TMEM163: variants seen among roughly 807,000 people sequenced by gnomAD.
TMEM163 encodes the protein transmembrane protein 163.
TMEM163 carries 17 observed loss-of-function variants against 29.3 expected under a neutral mutation model. The observed-to-expected ratio is 0.58, with a 90% CI of 0.40 to 0.87. The LOEUF (loss-of-function observed/expected upper bound fraction) is 0.87, where lower values mean the gene tolerates loss of function less well. Ranked by LOEUF, TMEM163 falls within the 40% of genes least tolerant of loss-of-function variation. The pLI is 0.00. For missense variants in TMEM163, 303 were observed against 381.5 expected (o/e 0.79, Z 1.71); for synonymous variants, 157 against 160.6 (o/e 0.98, Z 0.17).
At chr2:134,591,669 TG>T (rs1372385960) in intron 2 of TMEM163, among the ~76,000 whole-genome samples, 2 of 152,150 alleles carry the variant, frequency 1.3e-5, no homozygotes, top group African/African-American at 4.8e-5. Flanking sequence ...AAGCCAGGTT[TG>T]CATCACAACA....
At chr2:134,550,698 A>C (rs777225777) in intron 3 of TMEM163, 37 bp from the exon 4 acceptor site, 2 of 1,579,882 alleles carry the variant, frequency 1.3e-6, no homozygotes, top group East Asian at 4.5e-5. Flanking sequence ...GGCTTTCCAC[A>C]GTTAATAGCA....
chr2:134,470,275 T>G (rs1412173862), intron 5 of TMEM163, among the ~76,000 whole-genome samples: 1 of 150,798 alleles, frequency 6.6e-6, no homozygotes, highest in African/African-American at 2.4e-5. Flanking sequence ...GAGAATTGTG[T>G]GAACCCGGGA....
At chr2:134,629,052 G>C (rs1173596707) in intron 2 of TMEM163, among the ~76,000 whole-genome samples, 3 of 152,134 alleles carry the variant, frequency 2.0e-5, no homozygotes, top group African/African-American at 7.2e-5. Flanking sequence ...AAGCTATCTT[G>C]GATTGAGCAT....
At position 134,460,385 on chromosome 2, in the gene TMEM163, C is replaced by T. The variant is rs1243567932; in HGVS notation, c.668-2212G>A. 6.6e-6 allele frequency among the ~76,000 whole-genome samples: 1 copy of T among 152,124 alleles called. No homozygotes were observed. The highest frequency in any genetic ancestry group is 1.5e-5 in the Non-Finnish European group (1 of 68,036). ...AACTTCCTCCCCTCCACCCACCACT[C>T]CCTCCTGCCTCCAGCTAACAGGCGA... On this transcript the variant is annotated intron_variant, in intron 6 of 7. Transcript: ENST00000281924. The surrounding 1 kb of genome is among the most constrained non-coding windows in gnomAD (Gnocchi z 4.3).
intron 2 of TMEM163, among the ~76,000 whole-genome samples, chr2:134,695,523 T>C (rs935979187): frequency 1.3e-5 from 2 of 152,058 alleles, no homozygotes; most frequent in African/African-American, 2.4e-5. Context: ...ACAAATACTA[T>C]AAAAACTGTA....
intron 2 of TMEM163, among the ~76,000 whole-genome samples, chr2:134,576,864 A>C (rs1188240500): frequency 6.6e-6 from 1 of 152,218 alleles, no homozygotes; most frequent in East Asian, 1.9e-4. Context: ...TTTACCTCCT[A>C]AACTGAACTA....
At chr2:134,679,964 C>T (rs883917) in intron 2 of TMEM163, among the ~76,000 whole-genome samples, 43,949 of 150,812 alleles carry the variant, frequency 0.29, 8,531 homozygotes, top group African/African-American at 0.54. Flanking sequence ...AATAAACGTA[C>T]TTTAAGTTGT....
At position 134,518,224 on chromosome 2, in the gene TMEM163, A is replaced by T. The variant is rs2106493928; in HGVS notation, c.459-15227T>A. Among the ~76,000 whole-genome samples the T allele has an allele frequency of 2.6e-5, 4 of 152,376 alleles. No homozygotes were observed. In the South Asian group the frequency reaches 8.3e-4, roughly 32 times the overall value. On this transcript the variant is annotated intron_variant, in intron 4 of 7. Transcript: ENST00000281924. ...ATTGGGAAAAGCACATTAATGATTC[A>T]TCTTAGAGCTTTCACCTAGAAGGGC...
rs1308807212 is a variant in TMEM163, at chr2:134,655,987, A to G, written c.322+57213T>C. Among the ~76,000 whole-genome samples, 4 of 145,490 alleles carry G rather than the reference A, an allele frequency of 2.7e-5. 1 individual carries two copies. Among genetic ancestry groups the G allele is most frequent in the Non-Finnish European group, 5.9e-5 (4 of 67,406 alleles). On this transcript the variant is annotated intron_variant, in intron 2 of 7. Coordinates refer to ENST00000281924, the MANE Select transcript of TMEM163 (RefSeq NM_030923.5). ...AGGGACACTTAAGTCTGCAGAGGTT[A>G]CTGCTGTCTTTTCCTTTGTCTGTGC...
intron 2 of TMEM163, among the ~76,000 whole-genome samples, chr2:134,626,644 G>A (rs773813873): frequency 1.3e-5 from 2 of 152,218 alleles, no homozygotes; most frequent in Non-Finnish European, 2.9e-5. Flanking sequence ...ATATCCACAA[G>A]TTCTGTGGAT....
At chr2:134,716,817 T>G (rs1390569574) in intron 1 of TMEM163, among the ~76,000 whole-genome samples, 1 of 152,216 alleles carries the variant, frequency 6.6e-6, no homozygotes, top group Admixed American at 6.5e-5. Context: ...CAAAAATCAC[T>G]TATTCACCAC....
intron 2 of TMEM163, among the ~76,000 whole-genome samples, chr2:134,584,795 C>T (rs1005240507): frequency 5.9e-5 from 9 of 152,146 alleles, no homozygotes; most frequent in Non-Finnish European, 1.2e-4. Context: ...AAAGTATCCA[C>T]AATGTGCCAG....
At chr2:134,717,144 T>C (rs906834496) in intron 1 of TMEM163, among the ~76,000 whole-genome samples, 2 of 152,204 alleles carry the variant, frequency 1.3e-5, no homozygotes, top group African/African-American at 2.4e-5. Context: ...TTCCCTCCTA[T>C]CATTTTGTGG....
chr2:134,568,203 G>C (rs927727472), intron 2 of TMEM163, among the ~76,000 whole-genome samples: 2 of 152,126 alleles, frequency 1.3e-5, no homozygotes, highest in Admixed American at 6.5e-5. Context: ...TTGAGTGTAA[G>C]TATACAGGCC....
At chr2:134,522,918 C>T (rs1351741746) in intron 4 of TMEM163, among the ~76,000 whole-genome samples, 1 of 152,172 alleles carries the variant, frequency 6.6e-6, no homozygotes, top group African/African-American at 2.4e-5. Context: ...TGGCTTTGAG[C>T]AGACGTTGTG....
chr2:134,710,131 A>G (rs1202928499), intron 2 of TMEM163, among the ~76,000 whole-genome samples: 2 of 152,144 alleles, frequency 1.3e-5, no homozygotes, highest in East Asian at 3.8e-4. Flanking sequence ...AGCAAGCTGC[A>G]CCCCAGCCAC....
chr2:134,524,932 G>A (rs1680261409), intron 4 of TMEM163, among the ~76,000 whole-genome samples: 1 of 150,526 alleles, frequency 6.6e-6, no homozygotes, highest in Non-Finnish European at 1.5e-5. Context: ...CTAGGTCTTT[G>A]AGGAATCACC....
At chr2:134,551,248 G>A (rs558566457) in intron 3 of TMEM163, among the ~76,000 whole-genome samples, 1 of 152,154 alleles carries the variant, frequency 6.6e-6, no homozygotes, top group East Asian at 1.9e-4. Context: ...ATGCATGTGT[G>A]TGTGTACGTG....
chr2:134,493,649 G>C (rs1679481370), intron 5 of TMEM163, among the ~76,000 whole-genome samples: 1 of 152,138 alleles, frequency 6.6e-6, no homozygotes, highest in South Asian at 2.1e-4. Context: ...TGGGATTACA[G>C]GCGTGAGCCA....
Sources: gnomAD v4.1 joint callset for allele counts (sites outside exome capture counted in the v4.1 genomes callset) on GRCh38, gnomAD v4.1.1 for gene constraint, Gnocchi (gnomAD v3.1) non-coding constraint, MANE v1.5 for transcripts, NCBI Gene and HGNC (gene_info 2026-07-23, HGNC 2026-07-21) for gene names.